Variants in CCP110 observed in about 807,000 individuals in gnomAD.
CCP110 encodes the protein centriolar coiled-coil protein 110, also known as centriolar coiled-coil protein of 110 kDa.
A neutral mutation model predicts 105.5 loss-of-function variants in CCP110; 43 were observed. That is an observed-to-expected ratio of 0.41 (90% confidence interval 0.32 to 0.53). The LOEUF (loss-of-function observed/expected upper bound fraction) is 0.53, where lower values mean the gene tolerates loss of function less well. Among genes scored for constraint, CCP110 ranks in the 20% least tolerant of loss-of-function variants. CCP110 has a pLI of 0.32. For missense variants in CCP110, 1,016 were observed against 1,189.1 expected, an observed-to-expected ratio of 0.85 and a Z score of 2.14; for synonymous variants, 353 against 392.1, an observed-to-expected ratio of 0.90 and a Z score of 1.18.
intron 5 of CCP110, 57 bp downstream of exon 5, chr16:19,540,844 T>C: frequency 6.4e-7 from 1 of 1,558,226 alleles, no homozygotes; most frequent in Middle Eastern, 1.7e-4. Context: ...AGGATACCTA[T>C]GAATTTTGGT....
intron 7 of CCP110, 56 bp from the exon 8 acceptor site, chr16:19,542,822 T>C: frequency 6.6e-7 from 1 of 1,523,576 alleles, no homozygotes; most frequent in South Asian, 1.1e-5. Context: ...AGCTATATTA[T>C]CTTAGACTGT....
At chr16:19,546,606 C>T (rs140529793) in intron 12 of CCP110, 132 bp downstream of exon 12, 29,610 of 550,574 alleles carry the variant, frequency 0.054, 1,490 homozygotes, top group East Asian at 0.2. Flanking sequence ...CACCTGAGGT[C>T]GGGAGTTTGA....
exon 4 of CCP110, chr16:19,537,190 A>G (rs1159644506): frequency 6.2e-7 from 1 of 1,614,214 alleles, no homozygotes; most frequent in Admixed American, 1.7e-5. Context: ...TGCATGAACC[A>G]TATGCCAGCA....
intron 12 of CCP110, 188 bp from the exon 13 acceptor site, chr16:19,547,767 A>G: frequency 1.8e-6 from 1 of 541,734 alleles, no homozygotes; most frequent in Non-Finnish European, 3.3e-6. Context: ...TTGGACTCTT[A>G]GTGAGCAAAA....
chr16:19,536,316 T>C (rs908642725), exon 4 of CCP110: 1 of 1,613,130 alleles, frequency 6.2e-7, no homozygotes, highest in African/African-American at 1.3e-5. Context: ...CTACCACTTT[T>C]GGCAGAAGTC....
At chr16:19,543,220 A>G (rs1970349449) in intron 8 of CCP110, among the ~76,000 whole-genome samples, 1 of 152,218 alleles carries the variant, frequency 6.6e-6, no homozygotes, top group South Asian at 2.1e-4. Context: ...TCATTTTAAT[A>G]TGGACATATA....
intron 1 of CCP110, 47 bp from the exon 2 acceptor site, chr16:19,527,820 A>G (rs1057264944): frequency 6.7e-7 from 1 of 1,495,086 alleles, no homozygotes; most frequent in Middle Eastern, 1.8e-4. Context: ...AATAATTAAG[A>G]TCTGTTTTTC....
In CCP110 at chr16:19,546,395, T is replaced by A. The variant is rs771515791; in HGVS notation, c.2778-17T>A. 2 of 1,440,354 alleles carry A rather than the reference T, an allele frequency of 1.4e-6. No individual in the cohort carries two copies. The highest frequency in any genetic ancestry group is 1.9e-6 in the Non-Finnish European group (2 of 1,030,602). The allele number at this position is 1,440,354 out of a possible 1,614,324, so 89.2% of individuals were successfully genotyped here. ...CTTCTCTAAATACATTATGTCCTTA[T>A]TTTTATATTGTGTTAGAGCTGCTGA... On this transcript the variant is annotated splice_polypyrimidine_tract_variant and intron_variant, in intron 11 of 14. Coordinates refer to ENST00000381396, the Ensembl canonical transcript of CCP110.
Position 19,533,242 on chromosome 16 carries a change from C to T in CCP110, c.270+698C>T, listed in dbSNP as rs147580261. 7.4e-4 allele frequency among the ~76,000 whole-genome samples: 113 copies of T among 152,118 alleles called. No individual in the cohort carries two copies. In the East Asian group the frequency reaches 0.018, roughly 25 times the overall value. On this transcript the variant is annotated intron_variant, in intron 3 of 14. Coordinates refer to ENST00000381396, the Ensembl canonical transcript of CCP110. Reference sequence around the variant, plus strand: ...GTCTGTTTAATTCGTATCGATGACACGTGTATAATGAACCTTAAGGGTTCA... The same window carrying T: ...GTCTGTTTAATTCGTATCGATGACATGTGTATAATGAACCTTAAGGGTTCA...
exon 4 of CCP110, chr16:19,537,469 C>T (rs1377525959): frequency 1.9e-6 from 3 of 1,611,372 alleles, no homozygotes; most frequent in Non-Finnish European, 2.5e-6. Context: ...AAGAAAACTG[C>T]CCTTATGTCA....
At chr16:19,525,357 G>A (rs1194943839) in intron 1 of CCP110, 1 of 152,206 alleles carries the variant, frequency 6.6e-6, no homozygotes, top group Non-Finnish European at 1.5e-5. Context: ...AATTATTACT[G>A]GAAGTGGACC....
intron 7 of CCP110, 56 bp from the exon 8 acceptor site, chr16:19,542,822 T>A (rs1158396185): frequency 6.6e-7 from 1 of 1,523,458 alleles, no homozygotes; most frequent in Non-Finnish European, 9.1e-7. Context: ...AGCTATATTA[T>A]CTTAGACTGT....
At chr16:19,528,539 G>A (rs556517077) in intron 2 of CCP110, among the ~76,000 whole-genome samples, 1 of 152,284 alleles carries the variant, frequency 6.6e-6, no homozygotes, top group Non-Finnish European at 1.5e-5. Context: ...GGATCTCAAT[G>A]ATCTAGTGTA....
intron 4 of CCP110, among the ~76,000 whole-genome samples, chr16:19,538,835 G>A (rs1342009932): frequency 3.3e-5 from 5 of 152,100 alleles, no homozygotes; most frequent in East Asian, 3.9e-4. Context: ...TCTTTAGGCC[G>A]GCGCGGTTGC....
chr16:19,543,720 G>A (rs982183291), intron 8 of CCP110, among the ~76,000 whole-genome samples: 4 of 151,968 alleles, frequency 2.6e-5, no homozygotes, highest in Middle Eastern at 3.2e-3. Context: ...GTATATAAAC[G>A]GCCACTCTGG....
At position 19,548,649 on chromosome 16, in the gene CCP110, C is replaced by T. The variant is rs1363928789; in HGVS notation, c.2986+49C>T. On this transcript the variant is annotated intron_variant, in intron 14 of 14. Coordinates refer to ENST00000381396, the Ensembl canonical transcript of CCP110. The surrounding 1 kb of genome is among the most constrained non-coding windows in gnomAD (Gnocchi z 4.1). The stretch of plus-strand genomic sequence containing the variant: ...AGCCCATTCAATAGAAGGAAGTGCA[C>T]AAGCTGCCCCATAACTCAGGCCATA... 8 of 1,135,220 alleles carry T rather than the reference C, an allele frequency of 7.0e-6. No homozygotes were observed. The highest frequency in any genetic ancestry group is 2.0e-4 in the Middle Eastern group (1 of 5,108). 70.3% of individuals were successfully genotyped at this position (1,135,220 alleles called of 1,614,324 possible). A position where few individuals can be genotyped will look rare whatever the true frequency, so the allele number is the denominator to read the frequency against.
chr16:19,551,185 T>C lies in CCP110; in HGVS notation c.2987-11T>C. 6.3e-7 allele frequency: 1 copy of C among 1,587,014 alleles called. No individual in the cohort carries two copies. Among genetic ancestry groups the C allele is most frequent in the Admixed American group, 1.7e-5 (1 of 59,926 alleles). ...CATTGAGAAGTAATACTGGTTTTGC[T>C]CTATTTTTAGGAGTATATGCAGGAA... On this transcript the variant is annotated splice_polypyrimidine_tract_variant and intron_variant, in intron 14 of 14. Coordinates refer to ENST00000381396, the Ensembl canonical transcript of CCP110.
Position 19,548,172 on chromosome 16 carries a change from C to A in CCP110, c.2900+158C>A. The A allele has an allele frequency of 1.5e-6, 1 of 679,028 alleles. No individual in the cohort carries two copies. Among genetic ancestry groups the A allele is most frequent in the Admixed American group, 2.5e-5 (1 of 40,654 alleles). The allele number at this position is 679,028 out of a possible 1,614,324, so 42.1% of individuals were successfully genotyped here. Reference sequence around the variant, plus strand: ...GAAAGATATTTTAAAGTTTTGTCTTCAAATGTAACCCTCTTGGTGTACTGT... The same window carrying A: ...GAAAGATATTTTAAAGTTTTGTCTTAAAATGTAACCCTCTTGGTGTACTGT... On this transcript the variant is annotated intron_variant, in intron 13 of 14. Coordinates refer to ENST00000381396, the Ensembl canonical transcript of CCP110. The surrounding 1 kb of genome is among the most constrained non-coding windows in gnomAD (Gnocchi z 4.1).
intron 1 of CCP110, chr16:19,525,711 T>C (rs1252282933): frequency 1.3e-5 from 2 of 152,580 alleles, no homozygotes; most frequent in African/African-American, 2.4e-5. Flanking sequence ...TTCAATACTT[T>C]TATCAAGTGC....
Sources: allele counts gnomAD v4.1 joint callset (sites outside exome capture counted in the v4.1 genomes callset), GRCh38; gene constraint gnomAD v4.1.1; non-coding constraint Gnocchi (gnomAD v3.1); transcripts MANE v1.5; gene names NCBI Gene and HGNC (gene_info 2026-07-23, HGNC 2026-07-21).